COMMD10: variants seen among roughly 807,000 people sequenced by gnomAD.
The protein encoded by COMMD10 is COMM domain containing 10.
Under a neutral mutation model 28.9 loss-of-function variants are expected in COMMD10, and 33 were observed. That is an observed-to-expected ratio of 1.14 (90% CI 0.87 to 1.53). COMMD10 has a LOEUF of 1.53. Among genes scored for constraint, COMMD10 ranks in the 40% most tolerant of loss-of-function variants. COMMD10 has a pLI of 0.00. For synonymous variants in COMMD10, 110 were observed against 81.7 expected, an observed-to-expected ratio of 1.35 and a Z score of -1.87; for missense variants, 310 against 233.4, an observed-to-expected ratio of 1.33 and a Z score of -2.14.
intron 5 of COMMD10, among the ~76,000 whole-genome samples, chr5:116,206,836 A>G (rs1034556760): frequency 4.6e-5 from 7 of 152,200 alleles, no homozygotes; most frequent in Non-Finnish European, 1.0e-4. Context: ...TATTCCAGCC[A>G]GTGTGGGATA....
At chr5:116,088,274 A>G (rs1034042114) in intron 2 of COMMD10, among the ~76,000 whole-genome samples, 2 of 152,210 alleles carry the variant, frequency 1.3e-5, no homozygotes, top group African/African-American at 4.8e-5. Flanking sequence ...GCCAGCCTCA[A>G]AACTGTGCCT....
At chr5:116,201,555 A>G (rs912239778) in intron 5 of COMMD10, among the ~76,000 whole-genome samples, 9 of 152,118 alleles carry the variant, frequency 5.9e-5, no homozygotes, top group African/African-American at 1.9e-4. Flanking sequence ...CTGGGGGGCA[A>G]TGGTTTACCC....
At chr5:116,085,367 C>T (rs1187613487) in intron 1 of COMMD10, 2 of 436,520 alleles carry the variant, frequency 4.6e-6, no homozygotes, top group Admixed American at 4.3e-5. Context: ...AGCGTGGGGT[C>T]TGCGTCACTG....
At chr5:116,224,300 G>GCCAT (rs758470312) in intron 5 of COMMD10, among the ~76,000 whole-genome samples, 4 of 152,158 alleles carry the variant, frequency 2.6e-5, no homozygotes, top group Non-Finnish European at 4.4e-5. Flanking sequence ...GTAGATAGGA[G>GCCAT]CCATCTCTGT....
chr5:116,103,742 A>G (rs1486738366), intron 4 of COMMD10, among the ~76,000 whole-genome samples: 8 of 152,236 alleles, frequency 5.3e-5, no homozygotes, highest in African/African-American at 1.7e-4. Context: ...GCCCATGCCT[A>G]TGACCTGAAT....
chr5:116,270,538 A>C (rs1188858151), intron 5 of COMMD10, among the ~76,000 whole-genome samples: 1 of 151,900 alleles, frequency 6.6e-6, no homozygotes, highest in East Asian at 1.9e-4. Context: ...CAAATTCAGC[A>C]TTCTGATTTC....
chr5:116,131,410 T>G (rs1040177815), intron 4 of COMMD10, among the ~76,000 whole-genome samples: 1 of 151,228 alleles, frequency 6.6e-6, no homozygotes, highest in Non-Finnish European at 1.5e-5. Flanking sequence ...TATGTGTGTA[T>G]GTATGTATGT....
At position 116,239,971 on chromosome 5, in the gene COMMD10, C is replaced by A. The variant is rs763689847; in HGVS notation, c.511-51546C>A. Among the ~76,000 whole-genome samples, 10 of 152,124 alleles carry A rather than the reference C, an allele frequency of 6.6e-5. No homozygotes were observed. The South Asian group carries it at 2.1e-3, about 32-fold the overall frequency. Reference sequence around the variant, plus strand: ...CAAGGAGAGTAGAGTCCAGAATGGCCGGTGGTAGTCTCAGAGTAGAAGAGT... The same window carrying A: ...CAAGGAGAGTAGAGTCCAGAATGGCAGGTGGTAGTCTCAGAGTAGAAGAGT... On this transcript the variant is annotated intron_variant, in intron 5 of 6. Coordinates refer to ENST00000274458, the MANE Select transcript of COMMD10 (RefSeq NM_016144.4).
intron 5 of COMMD10, among the ~76,000 whole-genome samples, chr5:116,261,459 G>T (rs1750442074): frequency 6.6e-6 from 1 of 151,676 alleles, no homozygotes; most frequent in Non-Finnish European, 1.5e-5. Context: ...ATGTAGATGT[G>T]TATTCTTCTC....
rs144217580 is a variant in COMMD10, at chr5:116,163,255, G to A, written c.510+29077G>A. Among the ~76,000 whole-genome samples, 304 of 151,238 alleles carry A rather than the reference G, an allele frequency of 2.0e-3. 4 individuals carry two copies. Among genetic ancestry groups the A allele is most frequent in the African/African-American group, 7.0e-3 (288 of 41,020 alleles). On this transcript the variant is annotated intron_variant, in intron 5 of 6. Transcript: ENST00000274458. ...ATCTTTGTAATTAAAAAAAGTATTG[G>A]CGTTTTCTTCTTGAAAATGTCTTAT...
At chr5:116,225,627 T>C (rs1260196339) in intron 5 of COMMD10, among the ~76,000 whole-genome samples, 1 of 152,098 alleles carries the variant, frequency 6.6e-6, no homozygotes, top group Non-Finnish European at 1.5e-5. Context: ...TGGCAGATGC[T>C]CATCTTCTTT....
chr5:116,236,164 A>T (rs1480870916), intron 5 of COMMD10, among the ~76,000 whole-genome samples: 4 of 152,166 alleles, frequency 2.6e-5, no homozygotes, highest in African/African-American at 9.7e-5. Flanking sequence ...CCAGAGGATA[A>T]GTAAACTTGG....
In COMMD10 at chr5:116,116,086, A is replaced by T. The variant is rs374726671; in HGVS notation, c.400-17982A>T. On this transcript the variant is annotated intron_variant, in intron 4 of 6. Transcript: ENST00000274458. ...ATAATATAAACTATTATATAGTGAA[A>T]CTTTGTATTTTCTTACAGGTTCTTG... Among the ~76,000 whole-genome samples the T allele has an allele frequency of 1.5e-4, 23 of 152,260 alleles. No homozygotes were observed. In the South Asian group the frequency reaches 4.8e-3, roughly 32 times the overall value.
At chr5:116,273,823 A>G (rs1561403848) in intron 5 of COMMD10, among the ~76,000 whole-genome samples, 1 of 151,784 alleles carries the variant, frequency 6.6e-6, no homozygotes, top group Non-Finnish European at 1.5e-5. Flanking sequence ...TCATTAAAAT[A>G]TAATACTTGG....
chr5:116,128,204 G>A (rs1455255082), intron 4 of COMMD10, among the ~76,000 whole-genome samples: 1 of 151,954 alleles, frequency 6.6e-6, no homozygotes, highest in African/African-American at 2.4e-5. Context: ...GGTTTACAGA[G>A]TAATTGTAAG....
At chr5:116,164,289 C>G (rs533303558) in intron 5 of COMMD10, among the ~76,000 whole-genome samples, 9 of 152,092 alleles carry the variant, frequency 5.9e-5, no homozygotes, top group Admixed American at 5.9e-4. Context: ...CCACTGCACT[C>G]CAGCCTGGGC....
At chr5:116,087,361 G>C in intron 1 of COMMD10, 136 bp from the exon 2 acceptor site, 1 of 592,972 alleles carries the variant, frequency 1.7e-6, no homozygotes, top group South Asian at 2.3e-5. Flanking sequence ...TTTGCTGGCT[G>C]TCATCTGTTT....
chr5:116,247,586 A>G (rs1033344327), intron 5 of COMMD10, among the ~76,000 whole-genome samples: 17 of 151,868 alleles, frequency 1.1e-4, no homozygotes, highest in African/African-American at 4.1e-4. Flanking sequence ...CTGTCACTGG[A>G]TAAAGAAAAT....
At chr5:116,125,130 T>C (rs1434460356) in intron 4 of COMMD10, among the ~76,000 whole-genome samples, 1 of 152,194 alleles carries the variant, frequency 6.6e-6, no homozygotes, top group African/African-American at 2.4e-5. Context: ...CGTTAGTTGA[T>C]GCAGTTTCTT....
Sources: allele counts gnomAD v4.1 joint callset (sites outside exome capture counted in the v4.1 genomes callset), GRCh38; gene constraint gnomAD v4.1.1; transcripts MANE v1.5; gene names NCBI Gene and HGNC (gene_info 2026-07-23, HGNC 2026-07-21).